Variants in CSGALNACT1 observed in about 807,000 individuals in gnomAD.
CSGALNACT1 encodes the protein chondroitin sulfate N-acetylgalactosaminyltransferase 1.
A neutral mutation model predicts 51.0 loss-of-function variants in CSGALNACT1; 52 were observed. The observed-to-expected ratio is 1.02, with a 90% CI of 0.82 to 1.29. The LOEUF (loss-of-function observed/expected upper bound fraction) is 1.29. Ranked by LOEUF, CSGALNACT1 falls within the 50% of genes most tolerant of loss-of-function variation. The probability of loss-of-function intolerance (pLI) is 0.00; values close to 1 mark genes in which losing one functional copy is unlikely to be tolerated. For missense variants in CSGALNACT1, 935 were observed against 679.2 expected (o/e 1.38, Z -4.19); for synonymous variants, 341 against 254.4 (o/e 1.34, Z -3.24).
chr8:19,438,105 C>G (rs894913466), intron 6 of CSGALNACT1, among the ~76,000 whole-genome samples: 1 of 151,816 alleles, frequency 6.6e-6, no homozygotes, highest in Admixed American at 6.6e-5. Flanking sequence ...TGCTGGAAAT[C>G]TGCCATACCC....
At chr8:19,708,681 A>T (rs2062324952) in intron 1 of CSGALNACT1, among the ~76,000 whole-genome samples, 1 of 152,154 alleles carries the variant, frequency 6.6e-6, no homozygotes, top group Admixed American at 6.5e-5. Context: ...GATGGGGAAG[A>T]CTTCCTCCTC....
At chr8:19,646,422 A>T (rs1245120376) in intron 1 of CSGALNACT1, among the ~76,000 whole-genome samples, 1 of 152,216 alleles carries the variant, frequency 6.6e-6, no homozygotes, top group African/African-American at 2.4e-5. Flanking sequence ...AACAAAGATA[A>T]TTTGAAGAGA....
intron 1 of CSGALNACT1, among the ~76,000 whole-genome samples, chr8:19,755,426 G>C (rs982915437): frequency 7.8e-5 from 10 of 128,314 alleles, no homozygotes; most frequent in Non-Finnish European, 1.6e-4. Context: ...AAACATGCTG[G>C]AGTTGGGGAT....
chr8:19,405,193 A>G (rs1214776144), exon 10 of CSGALNACT1: 1 of 448,516 alleles, frequency 2.2e-6, no homozygotes, highest in Non-Finnish European at 4.4e-6. Context: ...TTAAAAGGAC[A>G]ACCAAAAAGA....
At chr8:19,654,154 C>T (rs75240461) in intron 1 of CSGALNACT1, among the ~76,000 whole-genome samples, 56 of 152,290 alleles carry the variant, frequency 3.7e-4, no homozygotes, top group Non-Finnish European at 7.2e-4. Flanking sequence ...ATTATGACAT[C>T]GATGTGAGTC....
At chr8:19,650,060 T>C (rs55982793) in intron 1 of CSGALNACT1, among the ~76,000 whole-genome samples, 3,670 of 152,218 alleles carry the variant, frequency 0.024, 65 homozygotes, top group Admixed American at 0.038. Context: ...CAAACTTTCA[T>C]GTGTATGATG....
chr8:19,552,287 C>G (rs949338163), intron 3 of CSGALNACT1, among the ~76,000 whole-genome samples: 1 of 152,026 alleles, frequency 6.6e-6, no homozygotes, highest in Non-Finnish European at 1.5e-5. Context: ...CTTAAGATAT[C>G]ACATAAGGAA....
chr8:19,484,069 C>T (rs2072222860), intron 4 of CSGALNACT1, among the ~76,000 whole-genome samples: 1 of 152,204 alleles, frequency 6.6e-6, no homozygotes, highest in Admixed American at 6.5e-5. Context: ...AGCCCTCCCT[C>T]CACCCCATTA....
intron 1 of CSGALNACT1, among the ~76,000 whole-genome samples, chr8:19,745,970 G>A (rs56411533): frequency 0.012 from 1,832 of 152,262 alleles, 21 homozygotes; most frequent in Non-Finnish European, 0.018. Flanking sequence ...TACGATGGAT[G>A]AATGGTCTGG....
exon 5 of CSGALNACT1, chr8:19,458,449 G>C: frequency 6.2e-7 from 1 of 1,614,144 alleles, no homozygotes; most frequent in Non-Finnish European, 8.5e-7. Flanking sequence ...TGAACTGCCG[G>C]AACTTGTCCA....
intron 1 of CSGALNACT1, among the ~76,000 whole-genome samples, chr8:19,707,807 C>T (rs759564382): frequency 4.6e-5 from 7 of 152,086 alleles, no homozygotes; most frequent in Non-Finnish European, 1.0e-4. Flanking sequence ...TCGAGATCAG[C>T]CTGGCCAAGA....
chr8:19,592,436 CAA>C (rs1284117980), intron 2 of CSGALNACT1, among the ~76,000 whole-genome samples: 1 of 152,024 alleles, frequency 6.6e-6, no homozygotes, highest in African/African-American at 2.4e-5. Flanking sequence ...TGAGGGGGAA[CAA>C]AGAGACAAAT....
At chr8:19,404,423 T>C (rs1211062697) in exon 10 of CSGALNACT1, 2 of 453,172 alleles carry the variant, frequency 4.4e-6, no homozygotes, top group Admixed American at 2.4e-5. Flanking sequence ...CTATGTTAAC[T>C]GTATTTATTT....
rs763971040 is a variant in CSGALNACT1 at position 19,420,466 on chromosome 8, G to T, written c.1006C>A (p.Arg336=). 4 of 1,614,026 alleles carry T rather than the reference G, an allele frequency of 2.5e-6. No individual in the cohort carries two copies. In the African/African-American group the frequency reaches 4.0e-5, roughly 16 times the overall value. Residue 336 remains arginine, a synonymous_variant, in exon 7 of 10, where the codon CGG becomes AGG. Coordinates refer to ENST00000454498, the Ensembl canonical transcript of CSGALNACT1. ...GCTCCAACATCAAGTCCCTTTCCCC[G>T]AGAAAATTCTCCATTCAGCTGGATG...
chr8:19,454,386 T>C (rs758146481), intron 5 of CSGALNACT1, among the ~76,000 whole-genome samples: 4 of 152,178 alleles, frequency 2.6e-5, no homozygotes, highest in Non-Finnish European at 4.4e-5. Context: ...CAGTAACAGA[T>C]TGCAGCCAGG....
intron 9 of CSGALNACT1, among the ~76,000 whole-genome samples, chr8:19,408,129 C>CG (rs908603524): frequency 9.9e-5 from 15 of 152,076 alleles, no homozygotes; most frequent in African/African-American, 3.6e-4. Context: ...GCCAGGACCC[C>CG]GCTGGGAGGA....
chr8:19,608,017 G>A (rs988014652), intron 1 of CSGALNACT1, among the ~76,000 whole-genome samples: 5 of 152,208 alleles, frequency 3.3e-5, no homozygotes, highest in Admixed American at 3.3e-4. Context: ...TAGACTTCCA[G>A]AGTATAAAGA....
chr8:19,577,652 G>T (rs2044579317), intron 3 of CSGALNACT1, among the ~76,000 whole-genome samples: 1 of 151,618 alleles, frequency 6.6e-6, no homozygotes, highest in South Asian at 2.1e-4. Context: ...AGGTTAGCAT[G>T]CCAGACAACG....
intron 1 of CSGALNACT1, among the ~76,000 whole-genome samples, chr8:19,724,939 G>A (rs1238662007): frequency 6.6e-6 from 1 of 152,168 alleles, no homozygotes; most frequent in Non-Finnish European, 1.5e-5. Context: ...TCCCACGTAA[G>A]CAGAGAGCTG....
Sources: gnomAD v4.1 joint callset for allele counts (sites outside exome capture counted in the v4.1 genomes callset) on GRCh38, gnomAD v4.1.1 for gene constraint, MANE v1.5 for transcripts, NCBI Gene and HGNC (gene_info 2026-07-23, HGNC 2026-07-21) for gene names.